Variants in TTLL11 observed in about 807,000 individuals in gnomAD.
TTLL11 encodes tubulin polyglutamylase TTLL11.
In TTLL11, 42 loss-of-function variants were observed where a neutral mutation model predicts 51.7. The observed-to-expected ratio is 0.81, with a 90% CI of 0.64 to 1.05. The LOEUF (loss-of-function observed/expected upper bound fraction) is 1.05, where lower values mean the gene tolerates loss of function less well. Ranked by LOEUF, TTLL11 falls within the 50% of genes least tolerant of loss-of-function variation. TTLL11 has a pLI of 0.00. For synonymous variants in TTLL11, 381 were observed against 383.5 expected (o/e 0.99, Z 0.08); for missense variants, 799 against 940.4 (o/e 0.85, Z 1.97).
rs781081624 is a variant in TTLL11, at chr9:122,039,355, C to T, written c.476G>A (p.Arg159Gln). 8 of 1,613,612 alleles carry T rather than the reference C, an allele frequency of 5.0e-6. No homozygotes were observed. The highest frequency in any genetic ancestry group is 2.2e-5 in the East Asian group (1 of 44,878). Residue 159 changes from arginine (R) to glutamine (Q), a missense_variant, in exon 2 of 9, where the codon CGG becomes CAG. Coordinates refer to ENST00000321582, the MANE Select transcript of TTLL11 (RefSeq NM_001139442.2). ...CCAGTAGATGTCACAAGGCAAGCGC[C>T]GGCCAAATGGGAACTAGAAGAGAAA... Reference protein sequence around the residue: ...QLKWKEFPFGRRLPCDIYWHG... With the variant: ...QLKWKEFPFGQRLPCDIYWHG...
intron 3 of TTLL11, among the ~76,000 whole-genome samples, chr9:122,003,059 G>A (rs1466416554): frequency 6.6e-6 from 1 of 151,508 alleles, no homozygotes; most frequent in African/African-American, 2.4e-5. Context: ...CACAAAGACA[G>A]AACAGCTATG....
At chr9:121,874,746 C>G (rs1403766025) in intron 6 of TTLL11, among the ~76,000 whole-genome samples, 21 of 150,828 alleles carry the variant, frequency 1.4e-4, no homozygotes, top group Non-Finnish European at 2.8e-4. Context: ...TGCTCCCTCT[C>G]AGAGGCATAA....
At chr9:121,971,633 G>A (rs1471454861) in intron 6 of TTLL11, among the ~76,000 whole-genome samples, 5 of 144,770 alleles carry the variant, frequency 3.5e-5, no homozygotes, top group African/African-American at 1.0e-4. Context: ...AGAAAGGTGG[G>A]AAAGGTGGGG....
chr9:122,038,800 G>C (rs1171189560), intron 2 of TTLL11, among the ~76,000 whole-genome samples: 2 of 152,130 alleles, frequency 1.3e-5, no homozygotes, highest in Non-Finnish European at 1.5e-5. Flanking sequence ...AATGTCATTA[G>C]GTAAAAGGCA....
At chr9:121,856,173 G>A (rs1837811610) in intron 8 of TTLL11, among the ~76,000 whole-genome samples, 1 of 152,234 alleles carries the variant, frequency 6.6e-6, no homozygotes, top group Non-Finnish European at 1.5e-5. Context: ...TTGAGTGCAA[G>A]CAATTCTCCT....
intron 6 of TTLL11, among the ~76,000 whole-genome samples, chr9:121,882,115 T>C (rs1838820551): frequency 6.6e-6 from 1 of 152,212 alleles, no homozygotes; most frequent in Non-Finnish European, 1.5e-5. Flanking sequence ...TTAGCTGCTG[T>C]GACTGAACAA....
chr9:121,829,448 G>T (rs1184671668), intron 8 of TTLL11, among the ~76,000 whole-genome samples: 2 of 152,108 alleles, frequency 1.3e-5, no homozygotes, highest in African/African-American at 4.8e-5. Flanking sequence ...AGGTAGTGGT[G>T]AAATGGCTAT....
intron 6 of TTLL11, among the ~76,000 whole-genome samples, chr9:121,945,302 T>C (rs573130387): frequency 1.3e-5 from 2 of 152,342 alleles, no homozygotes; most frequent in East Asian, 3.9e-4. Flanking sequence ...TCAGTTTAAT[T>C]CCACCCAGTA....
intron 3 of TTLL11, among the ~76,000 whole-genome samples, chr9:122,014,468 C>T (rs1056328198): frequency 4.6e-5 from 7 of 152,244 alleles, no homozygotes; most frequent in African/African-American, 1.7e-4. Flanking sequence ...CTTTTCCTGA[C>T]TTCTCCACCT....
intron 3 of TTLL11, among the ~76,000 whole-genome samples, chr9:122,011,064 G>A (rs750430561): frequency 6.6e-6 from 1 of 152,092 alleles, no homozygotes; most frequent in Non-Finnish European, 1.5e-5. Context: ...TGAATCATGG[G>A]GTCAGTTTTC....
At chr9:121,889,908 C>T (rs1056985451) in intron 6 of TTLL11, among the ~76,000 whole-genome samples, 3 of 27,912 alleles carry the variant, frequency 1.1e-4, no homozygotes, top group Non-Finnish European at 1.4e-4. Context: ...TTGGGCGGGG[C>T]GGGGGGGGAG....
chr9:122,039,436 T>C (rs1290801835), intron 1 of TTLL11, 68 bp from the exon 2 acceptor site: 4 of 1,288,964 alleles, frequency 3.1e-6, no homozygotes, highest in South Asian at 2.4e-5. Context: ...GTATCCATTA[T>C]GTACAAATTC....
chr9:121,983,028 T>C (rs1240829188), intron 4 of TTLL11, among the ~76,000 whole-genome samples: 1 of 152,138 alleles, frequency 6.6e-6, no homozygotes, highest in Admixed American at 6.5e-5. Flanking sequence ...CTATAGGCAG[T>C]AAGGGTGGCT....
At position 121,881,567 on chromosome 9, in the gene TTLL11, C is replaced by T. The variant is rs551370129; in HGVS notation, c.1482-10819G>A. On this transcript the variant is annotated intron_variant, in intron 6 of 8. Transcript: ENST00000321582. ...TCGCCACTTACCTGCGCTGGCACAT[C>T]GGTCAATTCCCGCGGTACAGGTGTT... 7.9e-5 allele frequency among the ~76,000 whole-genome samples: 12 copies of T among 152,328 alleles called. No individual in the cohort carries two copies. The East Asian group carries it at 1.7e-3, about 22-fold the overall frequency.
chr9:122,005,464 A>T (rs1404743467), intron 3 of TTLL11, among the ~76,000 whole-genome samples: 1 of 152,144 alleles, frequency 6.6e-6, no homozygotes, highest in African/African-American at 2.4e-5. Flanking sequence ...CTCTCTAAAG[A>T]ACAAGGGTTA....
In TTLL11 at chr9:122,077,111, T is replaced by C. The variant is rs545445613; in HGVS notation, c.462+15576A>G. ...AAGAACGAGGAGAAAATGAAGGTAA[T>C]TTTGGACAAATAAAAACTGAGTTTA... On this transcript the variant is annotated intron_variant, in intron 1 of 8. Transcript: ENST00000321582. 2.6e-3 allele frequency among the ~76,000 whole-genome samples: 394 copies of C among 152,208 alleles called. 3 individuals carry two copies. The highest frequency in any genetic ancestry group is 0.014 in the South Asian group (69 of 4,810).
At chr9:121,912,166 C>T (rs1840148838) in intron 6 of TTLL11, among the ~76,000 whole-genome samples, 1 of 152,184 alleles carries the variant, frequency 6.6e-6, no homozygotes, top group Non-Finnish European at 1.5e-5. Context: ...GGGGCCTGGG[C>T]CGCTCATCTA....
chr9:121,870,872 AC>A, intron 6 of TTLL11, 124 bp from the exon 7 acceptor site: 1 of 1,153,380 alleles, frequency 8.7e-7, no homozygotes, highest in Non-Finnish European at 1.2e-6. Flanking sequence ...AGCAAGACTG[AC>A]CACAGAGAAG....
chr9:121,838,633 C>T (rs900097172), intron 8 of TTLL11, among the ~76,000 whole-genome samples: 18 of 151,354 alleles, frequency 1.2e-4, no homozygotes, highest in African/African-American at 4.1e-4. Context: ...GCACAAGAAT[C>T]GCTTGAACCC....
Sources: gnomAD v4.1 joint callset for allele counts (sites outside exome capture counted in the v4.1 genomes callset) on GRCh38, gnomAD v4.1.1 for gene constraint, MANE v1.5 for transcripts, NCBI Gene and HGNC (gene_info 2026-07-23, HGNC 2026-07-21) for gene names.